Variants in HDGF observed in about 807,000 individuals in gnomAD.
HDGF encodes heparin binding growth factor.
HDGF carries 5 observed loss-of-function variants against 30.0 expected under a neutral mutation model. That is an observed-to-expected ratio of 0.17 (90% CI 0.09 to 0.35). The LOEUF (loss-of-function observed/expected upper bound fraction) is 0.35. Ranked by LOEUF, HDGF falls within the 10% of genes least tolerant of loss-of-function variation. The pLI is 1.00. For synonymous variants in HDGF, 133 were observed against 112.7 expected, an observed-to-expected ratio of 1.18 and a Z score of -1.14; for missense variants, 214 against 302.8, an observed-to-expected ratio of 0.71 and a Z score of 2.18.
chr1:156,743,704 C>G lies in HDGF; in HGVS notation c.664G>C (p.Glu222Gln). 2 of 1,609,516 alleles carry G rather than the reference C, an allele frequency of 1.2e-6. No homozygotes were observed. The highest frequency in any genetic ancestry group is 2.2e-5 in the South Asian group (2 of 90,480). ...TCAGCATCTTCCTTGGTAGCCTCTT[C>G]CTCTTCATCCTCCTCCTCTTCTTCC... ...QEEEEEEDEEEEATKEDAEAP... is the reference protein window; with the variant it reads ...QEEEEEEDEEQEATKEDAEAP... The change falls in exon 5 of 6, where the codon GAA becomes CAA. Residue 222 changes from glutamate (E) to glutamine (Q), a missense_variant. This residue lies in a region of HDGF where 176 missense variants were observed against 211.7 expected (regional missense o/e 0.83). Coordinates refer to ENST00000357325, the MANE Select transcript of HDGF (RefSeq NM_004494.3).
chr1:156,744,283 A>G lies in HDGF; in HGVS notation c.369T>C (p.Gly123=). Reference sequence around the variant, plus strand: ...TGCCCTCTGCATTCCCCTTCTTATCACCGTCACCCTCTGCAGCTTCGGGCT... The same window carrying G: ...TGCCCTCTGCATTCCCCTTCTTATCGCCGTCACCCTCTGCAGCTTCGGGCT... ...EPEPEAAEGD[G]DKKGNAEGSS... Residue 123 remains glycine (G), a synonymous_variant, in exon 4 of 6, where the codon GGT becomes GGC. Transcript: ENST00000357325. The G allele has an allele frequency of 6.2e-7, 1 of 1,613,516 alleles. No homozygotes were observed. Among genetic ancestry groups the G allele is most frequent in the East Asian group, 2.2e-5 (1 of 44,850 alleles).
chr1:156,754,499 T>G (rs1379228308), upstream of HDGF, among the ~76,000 whole-genome samples: 5 of 152,214 alleles, frequency 3.3e-5, no homozygotes, highest in Admixed American at 3.3e-4. Context: ...ATCAACCAAC[T>G]CGCAGCTGCC....
At chr1:156,750,529 C>G (rs936634133) in intron 1 of HDGF, 1 of 152,462 alleles carries the variant, frequency 6.6e-6, no homozygotes, top group Admixed American at 6.5e-5. Flanking sequence ...GAGACTGGGC[C>G]GTTCTGGCGG....
At chr1:156,766,091 A>G (rs756360955) in intron 1 of HDGF, among the ~76,000 whole-genome samples, 20 of 152,210 alleles carry the variant, frequency 1.3e-4, no homozygotes, top group Non-Finnish European at 2.4e-4. Context: ...ATGCTTATGC[A>G]CATTAAAGTT....
At chr1:156,766,208 T>C (rs1212822011) in intron 1 of HDGF, among the ~76,000 whole-genome samples, 1 of 152,134 alleles carries the variant, frequency 6.6e-6, no homozygotes, top group South Asian at 2.1e-4. Flanking sequence ...GCTCGTCTGA[T>C]AGAGGATTCA....
At chr1:156,757,415 G>A (rs184014903), upstream of HDGF, among the ~76,000 whole-genome samples, 904 of 151,878 alleles carry the variant, frequency 6.0e-3, 10 homozygotes, top group African/African-American at 0.02. Context: ...GCAGTGAGCC[G>A]AGATCACGCC....
At chr1:156,767,178 T>G (rs1651411348), upstream of HDGF, among the ~76,000 whole-genome samples, 1 of 152,152 alleles carries the variant, frequency 6.6e-6, no homozygotes, top group African/African-American at 2.4e-5. Context: ...ACTTGCAGTT[T>G]CTAAGAGCAT....
intron 1 of HDGF, among the ~76,000 whole-genome samples, chr1:156,765,090 C>A (rs1464191120): frequency 6.6e-6 from 1 of 151,192 alleles, no homozygotes; most frequent in Non-Finnish European, 1.5e-5. Flanking sequence ...CGCGCCCCCC[C>A]CGCCCTTTTT....
intron 1 of HDGF, among the ~76,000 whole-genome samples, chr1:156,750,229 G>A (rs893203791): frequency 1.3e-5 from 2 of 152,132 alleles, no homozygotes; most frequent in Non-Finnish European, 1.5e-5. Context: ...TCTGCCCTTG[G>A]ATTTTACTCT....
chr1:156,761,001 G>A (rs556978760), intron 1 of HDGF, among the ~76,000 whole-genome samples: 71 of 151,924 alleles, frequency 4.7e-4, no homozygotes, highest in Non-Finnish European at 9.6e-4. Flanking sequence ...CAAGACCTGG[G>A]CTACATGGCA....
chr1:156,747,452 G>A (rs1289336596), intron 1 of HDGF: 1 of 152,016 alleles, frequency 6.6e-6, no homozygotes, highest in East Asian at 1.9e-4. Flanking sequence ...AGGGACAGAG[G>A]AGTCGGTCCT....
Position 156,744,221 on chromosome 1 carries a change from GGCTCATCAATGACCA to G in HDGF, c.416_430del (p.Leu139_Glu143del). The G allele has an allele frequency of 6.2e-7, 1 of 1,614,092 alleles. No individual in the cohort carries two copies. The highest frequency in any genetic ancestry group is 8.5e-7 in the Non-Finnish European group (1 of 1,180,014). ...TCCTTTCTCGTTCTTCTCCTTGGCT[GGCTCATCAATGACCA>G]GCTTCCCTTCCTCGTCGCTGCTGCC... On this transcript the variant is annotated inframe_deletion, in exon 4 of 6. Coordinates refer to ENST00000357325, the MANE Select transcript of HDGF (RefSeq NM_004494.3).
At chr1:156,754,789 C>A (rs767456345), upstream of HDGF, among the ~76,000 whole-genome samples, 1 of 152,032 alleles carries the variant, frequency 6.6e-6, no homozygotes, top group Non-Finnish European at 1.5e-5. Flanking sequence ...ACTAAAAATA[C>A]AAAATAAAAA....
Position 156,745,291 on chromosome 1 carries a change from A to G in HDGF, c.164+6T>C, listed in dbSNP as rs765623510. Reference sequence around the variant, plus strand: ...CCCGACCTATACCCCTTTGGCCTCCACTCACGTCTCGTGGGTCCCGAAAAA... The same window carrying G: ...CCCGACCTATACCCCTTTGGCCTCCGCTCACGTCTCGTGGGTCCCGAAAAA... On this transcript the variant is annotated splice_donor_region_variant and intron_variant, in intron 2 of 5. Coordinates refer to ENST00000357325, the MANE Select transcript of HDGF (RefSeq NM_004494.3). The G allele has an allele frequency of 1.2e-6, 2 of 1,607,248 alleles. No individual in the cohort carries two copies. Among genetic ancestry groups the G allele is most frequent in the Admixed American group, 1.7e-5 (1 of 59,436 alleles).
upstream of HDGF, chr1:156,752,179 G>A: frequency 6.4e-7 from 1 of 1,551,670 alleles, no homozygotes; most frequent in Non-Finnish European, 8.7e-7. Context: ...AGGAGTGGGC[G>A]CCGTGCCGCT....
intron 4 of HDGF, 66 bp downstream of exon 4, chr1:156,744,097 T>A: frequency 6.5e-7 from 1 of 1,542,816 alleles, no homozygotes; most frequent in South Asian, 1.1e-5. Context: ...GGCAAAGCCC[T>A]GCTCCTGTGG....
intron 1 of HDGF, among the ~76,000 whole-genome samples, chr1:156,748,047 AT>A (rs1316614689): frequency 6.6e-6 from 1 of 152,182 alleles, no homozygotes; most frequent in African/African-American, 2.4e-5. Flanking sequence ...TTCTAGCTAC[AT>A]AAAGGATGGG....
At chr1:156,753,489 G>T (rs549697913), upstream of HDGF, among the ~76,000 whole-genome samples, 3 of 152,230 alleles carry the variant, frequency 2.0e-5, no homozygotes, top group Non-Finnish European at 2.9e-5. Context: ...AGTTCTTGAA[G>T]ATGTTTCAAG....
Position 156,751,133 on chromosome 1 carries a change from C to T in HDGF, c.87+210G>A, listed in dbSNP as rs1394629889. Among the ~76,000 whole-genome samples the T allele has an allele frequency of 6.6e-6, 1 of 151,984 alleles. No homozygotes were observed. Among genetic ancestry groups the T allele is most frequent in the Non-Finnish European group, 1.5e-5 (1 of 67,948 alleles). On this transcript the variant is annotated intron_variant, in intron 1 of 5. Coordinates refer to ENST00000357325, the MANE Select transcript of HDGF (RefSeq NM_004494.3). This position sits in a 1 kb window ranked among gnomAD's most constrained non-coding sequence, Gnocchi z 4.7. ...GTGAACACGCCACTACGCGCGGACGCCGTGCCCGCCAGGTGTCTACCCCCA... is the reference window on the plus strand; with the variant it reads ...GTGAACACGCCACTACGCGCGGACGTCGTGCCCGCCAGGTGTCTACCCCCA...
Sources: allele counts gnomAD v4.1 joint callset (sites outside exome capture counted in the v4.1 genomes callset), GRCh38; gene constraint gnomAD v4.1.1; regional missense constraint gnomAD v4.1.1; non-coding constraint Gnocchi (gnomAD v3.1); transcripts MANE v1.5; gene names NCBI Gene and HGNC (gene_info 2026-07-23, HGNC 2026-07-21).